POC1B: variants seen among roughly 807,000 people sequenced by gnomAD.
The protein encoded by POC1B is POC1 centriolar protein B, also known as POC1 centriolar protein homolog B.
In POC1B, 44 loss-of-function variants were observed where a neutral mutation model predicts 60.6. The ratio of observed to expected loss-of-function variants is 0.73; its 90% CI spans 0.57 to 0.93. POC1B has a LOEUF of 0.93. POC1B is among the 40% of genes least tolerant of loss of function. The pLI is 0.00. For missense variants in POC1B, 555 were observed against 572.3 expected (o/e 0.97, Z 0.31); for synonymous variants, 180 against 198.9 (o/e 0.90, Z 0.80).
chr12:89,455,866 A>G (rs1228089538), intron 10 of POC1B, among the ~76,000 whole-genome samples: 1 of 152,234 alleles, frequency 6.6e-6, no homozygotes, highest in Non-Finnish European at 1.5e-5. Context: ...CAGCAAGATT[A>G]CCAACTTCAT....
chr12:89,407,148 CAAAAAAAA>C, the POC1B span, among the ~76,000 whole-genome samples: 2 of 63,384 alleles, frequency 3.2e-5, no homozygotes, highest in South Asian at 8.2e-4. Flanking sequence ...GACTCCGTCT[CAAAAAAAA>C]AAAAAAAAAA....
chr12:89,412,094 A>G, the POC1B span, among the ~76,000 whole-genome samples: 4 of 152,202 alleles, frequency 2.6e-5, no homozygotes, highest in Non-Finnish European at 5.9e-5. Flanking sequence ...AGCAGGGGAA[A>G]CAACCTAAGG....
At chr12:89,429,122 T>C (rs1378241417) in intron 10 of POC1B, 1 of 151,950 alleles carries the variant, frequency 6.6e-6, no homozygotes, top group Non-Finnish European at 1.5e-5. Flanking sequence ...CCATAGACAA[T>C]CTAAGCAATA....
Position 89,459,545 on chromosome 12 carries a change from C to T in POC1B, c.1113+93G>A, listed in dbSNP as rs544420254. On this transcript the variant is annotated intron_variant, in intron 10 of 11. Transcript: ENST00000313546. ...TTAGGCTACATAGGCCACGTTTTAT[C>T]TCCTCCCCCAACATTTTTTAAAGGA... 19 of 630,168 alleles carry T rather than the reference C, an allele frequency of 3.0e-5. No homozygotes were observed. The South Asian group carries it at 8.1e-4, about 27-fold the overall frequency. 39.0% of individuals were successfully genotyped at this position (630,168 alleles called of 1,614,324 possible).
chr12:89,522,665 T>A lies in POC1B; in HGVS notation c.100+2455A>T, dbSNP rs192636409. On this transcript the variant is annotated intron_variant, in intron 2 of 11. Transcript: ENST00000313546. ...CTGGGTACCCAGTTTCAGTGTGATA[T>A]ACCAAAATGAACCCCAGCTTTCCAG... 17 of 991,958 alleles carry A rather than the reference T, an allele frequency of 1.7e-5. No homozygotes were observed. In the East Asian group the frequency reaches 2.7e-4, roughly 16 times the overall value. The allele number at this position is 991,958 out of a possible 1,614,324, so 61.4% of individuals were successfully genotyped here.
chr12:89,500,683 A>G, intron 2 of POC1B: 1 of 1,523,404 alleles, frequency 6.6e-7, no homozygotes, highest in Non-Finnish European at 9.0e-7. Context: ...CTTCAAGTAC[A>G]GAGGTTTCAC....
At chr12:89,491,467 T>C (rs1198036005) in intron 4 of POC1B, among the ~76,000 whole-genome samples, 1 of 151,288 alleles carries the variant, frequency 6.6e-6, no homozygotes, top group Non-Finnish European at 1.5e-5. Context: ...CTACTAAAAA[T>C]ACAAAAAATT....
intron 9 of POC1B, among the ~76,000 whole-genome samples, chr12:89,462,134 C>A (rs993036360): frequency 2.0e-5 from 3 of 152,008 alleles, no homozygotes; most frequent in African/African-American, 4.8e-5. Context: ...TATTTAACTG[C>A]GTAAGTTGCT....
chr12:89,488,798 T>C (rs1868784195), intron 4 of POC1B, among the ~76,000 whole-genome samples: 2 of 152,106 alleles, frequency 1.3e-5, no homozygotes, highest in South Asian at 4.1e-4. Context: ...ATAGCAGCTA[T>C]TATTATTATT....
chr12:89,415,057 C>T (rs1880342064), downstream of POC1B, among the ~76,000 whole-genome samples: 1 of 152,150 alleles, frequency 6.6e-6, no homozygotes, highest in Non-Finnish European at 1.5e-5. Flanking sequence ...TGGTTTTTGC[C>T]TCACTTTTAT....
intron 2 of POC1B, among the ~76,000 whole-genome samples, chr12:89,503,976 C>T (rs1164787580): frequency 6.7e-6 from 1 of 150,060 alleles, no homozygotes; most frequent in Admixed American, 6.6e-5. Flanking sequence ...CCGCCCCGTC[C>T]GGGAGGGAGG....
At chr12:89,521,744 C>T (rs920894666) in intron 2 of POC1B, 1 of 336,512 alleles carries the variant, frequency 3.0e-6, no homozygotes, top group Non-Finnish European at 5.4e-6. Context: ...GCCTAAGTGC[C>T]AGGCTCGGTG....
chr12:89,518,601 AT>A (rs1360504466), intron 2 of POC1B, among the ~76,000 whole-genome samples: 2 of 152,124 alleles, frequency 1.3e-5, no homozygotes, highest in Non-Finnish European at 2.9e-5. Flanking sequence ...TTTATCACAA[AT>A]TCCAGAACAT....
intron 10 of POC1B, among the ~76,000 whole-genome samples, chr12:89,429,859 T>C (rs1880956612): frequency 6.6e-6 from 1 of 152,220 alleles, no homozygotes; most frequent in Non-Finnish European, 1.5e-5. Context: ...TCCCACCTCT[T>C]ACTTCTATTG....
chr12:89,495,148 T>C (rs1565749018), intron 3 of POC1B, among the ~76,000 whole-genome samples: 1 of 152,358 alleles, frequency 6.6e-6, no homozygotes, highest in East Asian at 1.9e-4. Flanking sequence ...CTAATCATTG[T>C]ATTTAGATGA....
At chr12:89,524,042 T>C (rs768578637) in intron 2 of POC1B, 7 of 1,613,550 alleles carry the variant, frequency 4.3e-6, no homozygotes, top group African/African-American at 1.3e-5. Context: ...ACCAAGATGA[T>C]CTCTTTCAAA....
chr12:89,473,919 A>C (rs1382516570), intron 4 of POC1B, among the ~76,000 whole-genome samples: 2 of 151,860 alleles, frequency 1.3e-5, no homozygotes, highest in Non-Finnish European at 2.9e-5. Flanking sequence ...AATTATAAAA[A>C]ACTGGCCAGG....
At position 89,501,210 on chromosome 12, in the gene POC1B, A is replaced by G. The variant is rs1158183379; in HGVS notation, c.101-3868T>C. 3.6e-6 allele frequency: 5 copies of G among 1,408,412 alleles called. No individual in the cohort carries two copies. The African/African-American group carries it at 4.2e-5, about 12-fold the overall frequency. The allele number at this position is 1,408,412 out of a possible 1,614,324, so 87.2% of individuals were successfully genotyped here. A position where few individuals can be genotyped will look rare whatever the true frequency, so the allele number is the denominator to read the frequency against. On this transcript the variant is annotated intron_variant, in intron 2 of 11. Coordinates refer to ENST00000313546, the MANE Select transcript of POC1B (RefSeq NM_172240.3). ...ACAAACATTCCCATAAACCTCACCT[A>G]GTAGAGACATCTCAGCCCTCTGATA...
At chr12:89,435,309 T>C (rs1171552849) in intron 10 of POC1B, among the ~76,000 whole-genome samples, 1 of 151,698 alleles carries the variant, frequency 6.6e-6, no homozygotes, top group Admixed American at 6.6e-5. Flanking sequence ...GCCTCCTGAG[T>C]AGCTGGGACT....
Sources: allele counts gnomAD v4.1 joint callset (sites outside exome capture counted in the v4.1 genomes callset), GRCh38; gene constraint gnomAD v4.1.1; transcripts MANE v1.5; gene names NCBI Gene and HGNC (gene_info 2026-07-23, HGNC 2026-07-21).